Variants in CTNND2 observed in about 807,000 individuals in gnomAD.
CTNND2 encodes the protein catenin delta 2.
Under a neutral mutation model 144.4 loss-of-function variants are expected in CTNND2, and 22 were observed. The observed-to-expected ratio is 0.15, with a 90% CI of 0.11 to 0.22. The LOEUF (loss-of-function observed/expected upper bound fraction) is 0.22. Among genes scored for constraint, CTNND2 ranks in the 10% least tolerant of loss-of-function variants. The pLI is 1.00. For synonymous variants in CTNND2, 751 were observed against 695.6 expected (o/e 1.08, Z -1.25); for missense variants, 1,353 against 1,618.8 (o/e 0.84, Z 2.82).
chr5:11,546,402 GACAAAA>G (rs1775238137), intron 3 of CTNND2, among the ~76,000 whole-genome samples: 1 of 151,406 alleles, frequency 6.6e-6, no homozygotes, highest in South Asian at 2.1e-4. Context: ...AGTACAAAAA[GACAAAA>G]CAAAACAAAA....
At chr5:11,741,045 G>A (rs892093471) in intron 1 of CTNND2, among the ~76,000 whole-genome samples, 3 of 152,230 alleles carry the variant, frequency 2.0e-5, no homozygotes, top group Admixed American at 6.5e-5. Context: ...TTAGAATGGC[G>A]ATCATTAAAA....
At chr5:11,046,969 G>C (rs977963101) in intron 16 of CTNND2, among the ~76,000 whole-genome samples, 1 of 152,342 alleles carries the variant, frequency 6.6e-6, no homozygotes, top group Middle Eastern at 3.4e-3. Flanking sequence ...GCCACAGAAA[G>C]CCCATGCGTT....
chr5:11,112,465 T>G (rs576098769), intron 13 of CTNND2, among the ~76,000 whole-genome samples: 1 of 152,266 alleles, frequency 6.6e-6, no homozygotes, highest in Non-Finnish European at 1.5e-5. Flanking sequence ...CTCAAGAAGG[T>G]AAGCCTCAGA....
intron 9 of CTNND2, among the ~76,000 whole-genome samples, chr5:11,241,347 C>G (rs972539749): frequency 6.6e-6 from 1 of 152,126 alleles, no homozygotes; most frequent in African/African-American, 2.4e-5. Flanking sequence ...CTCTGGGGCA[C>G]AGTGAAAGGG....
chr5:11,446,836 A>G lies in CTNND2; in HGVS notation c.288-34767T>C, dbSNP rs143018816. 1.7e-4 allele frequency among the ~76,000 whole-genome samples: 26 copies of G among 152,146 alleles called. 1 individual carries two copies. Among genetic ancestry groups the G allele is most frequent in the Non-Finnish European group, 3.2e-4 (22 of 67,982 alleles). On this transcript the variant is annotated intron_variant, in intron 3 of 21. Coordinates refer to ENST00000304623, the MANE Select transcript of CTNND2 (RefSeq NM_001332.4). ...ACTTGAGCAAGGGGGCCGTGGATAA[A>G]AGTTTCTCAAAGATGTTGGTCACAG...
intron 3 of CTNND2, among the ~76,000 whole-genome samples, chr5:11,496,518 T>A (rs1237138440): frequency 6.6e-6 from 1 of 152,134 alleles, no homozygotes; most frequent in Non-Finnish European, 1.5e-5. Context: ...TTGCATTCCA[T>A]CAGAAAATGC....
At chr5:11,827,136 A>C (rs190416843) in intron 1 of CTNND2, among the ~76,000 whole-genome samples, 121 of 149,982 alleles carry the variant, frequency 8.1e-4, no homozygotes, top group South Asian at 4.6e-3. Context: ...CCCTCTAAAC[A>C]AAATGAAATT....
intron 3 of CTNND2, among the ~76,000 whole-genome samples, chr5:11,525,779 G>A (rs1773190150): frequency 6.6e-6 from 1 of 152,232 alleles, no homozygotes; most frequent in South Asian, 2.1e-4. Flanking sequence ...TGTGAAAGGT[G>A]CAGCGATGGG....
chr5:11,554,279 T>C lies in CTNND2; in HGVS notation c.287+10665A>G, dbSNP rs191577381. On this transcript the variant is annotated intron_variant, in intron 3 of 21. Coordinates refer to ENST00000304623, the MANE Select transcript of CTNND2 (RefSeq NM_001332.4). The stretch of plus-strand genomic sequence containing the variant: ...CTCAAAACAACTATAATCACTGCAG[T>C]GTATGGAAAGGAAAAGAAGCAGAAT... Among the ~76,000 whole-genome samples the C allele has an allele frequency of 4.2e-3, 645 of 152,056 alleles. 3 individuals are homozygous for C. The highest frequency in any genetic ancestry group is 0.015 in the African/African-American group (624 of 41,450).
chr5:11,245,010 T>A (rs546937113), intron 9 of CTNND2, among the ~76,000 whole-genome samples: 2 of 152,090 alleles, frequency 1.3e-5, no homozygotes, highest in South Asian at 4.2e-4. Flanking sequence ...AAATGAAAAA[T>A]CAAGTACACA....
chr5:11,597,194 G>C (rs1779552518), intron 2 of CTNND2, among the ~76,000 whole-genome samples: 1 of 152,156 alleles, frequency 6.6e-6, no homozygotes, highest in Non-Finnish European at 1.5e-5. Flanking sequence ...AAGACTTGTT[G>C]AATATACCTC....
intron 10 of CTNND2, among the ~76,000 whole-genome samples, chr5:11,211,198 T>C (rs1188078871): frequency 6.6e-6 from 1 of 151,930 alleles, no homozygotes; most frequent in East Asian, 1.9e-4. Context: ...CTCAGTGACA[T>C]GAAGTGACAG....
At chr5:11,703,550 A>C (rs1785551658) in intron 2 of CTNND2, among the ~76,000 whole-genome samples, 1 of 152,246 alleles carries the variant, frequency 6.6e-6, no homozygotes, top group Non-Finnish European at 1.5e-5. Context: ...TATAATATGC[A>C]AAAGATCTTA....
chr5:11,764,990 T>C (rs936799775), intron 1 of CTNND2, among the ~76,000 whole-genome samples: 7 of 152,196 alleles, frequency 4.6e-5, no homozygotes, highest in African/African-American at 1.4e-4. Context: ...TGGGGCAACA[T>C]GAATATGGTA....
chr5:11,337,861 T>A lies in CTNND2; in HGVS notation c.1628+8511A>T, dbSNP rs1427945532. The stretch of plus-strand genomic sequence containing the variant: ...AGATTTAGTGTCTCCAATAAGCTTA[T>A]TTTGTAAAAATTTCATGCTACTTTA... On this transcript the variant is annotated intron_variant, in intron 9 of 21. Transcript: ENST00000304623. Among the ~76,000 whole-genome samples the A allele has an allele frequency of 2.0e-5, 3 of 152,236 alleles. No homozygotes were observed. The East Asian group carries it at 5.8e-4, about 29-fold the overall frequency.
intron 3 of CTNND2, among the ~76,000 whole-genome samples, chr5:11,491,173 C>T (rs73048073): frequency 0.028 from 4,211 of 152,166 alleles, 141 homozygotes; most frequent in African/African-American, 0.091. Flanking sequence ...AGTTATGACA[C>T]GGATTATTAT....
intron 11 of CTNND2, among the ~76,000 whole-genome samples, chr5:11,191,337 G>A (rs1736223136): frequency 6.6e-6 from 1 of 152,184 alleles, no homozygotes; most frequent in South Asian, 2.1e-4. Flanking sequence ...ACAGGACAGT[G>A]GAAGGCTTGT....
At chr5:11,363,865 T>G (rs1038387587) in intron 8 of CTNND2, among the ~76,000 whole-genome samples, 1 of 152,170 alleles carries the variant, frequency 6.6e-6, no homozygotes, top group Non-Finnish European at 1.5e-5. Context: ...CTGCCGGAGC[T>G]CATATATATC....
At chr5:11,755,604 C>T (rs185652367) in intron 1 of CTNND2, among the ~76,000 whole-genome samples, 1 of 150,006 alleles carries the variant, frequency 6.7e-6, no homozygotes, top group African/African-American at 2.4e-5. Context: ...GGTCTCTTTA[C>T]ATAATCCCAT....
Sources: allele counts gnomAD v4.1 joint callset (sites outside exome capture counted in the v4.1 genomes callset), GRCh38; gene constraint gnomAD v4.1.1; transcripts MANE v1.5; gene names NCBI Gene and HGNC (gene_info 2026-07-23, HGNC 2026-07-21).